Variants in MB21D2 observed in about 807,000 individuals in gnomAD.
MB21D2 encodes the protein Mab-21 domain containing 2.
A neutral mutation model predicts 33.3 loss-of-function variants in MB21D2; 9 were observed. The ratio of observed to expected loss-of-function variants is 0.27; its 90% CI spans 0.16 to 0.47. MB21D2 has a LOEUF of 0.47. Among genes scored for constraint, MB21D2 ranks in the 20% least tolerant of loss-of-function variants. The probability of loss-of-function intolerance (pLI) is 0.99; values close to 1 mark genes in which losing one functional copy is unlikely to be tolerated. For missense variants in MB21D2, 540 were observed against 624.6 expected (o/e 0.86, Z 1.44); for synonymous variants, 241 against 236.3 (o/e 1.02, Z -0.18).
At chr3:192,801,126 G>GA (rs911038872) in intron 1 of MB21D2, among the ~76,000 whole-genome samples, 2 of 152,120 alleles carry the variant, frequency 1.3e-5, no homozygotes, top group African/African-American at 2.4e-5. Context: ...AATGATAAGG[G>GA]AAAAAATGCA....
At chr3:192,845,673 A>C (rs1405554666) in intron 1 of MB21D2, among the ~76,000 whole-genome samples, 5 of 152,214 alleles carry the variant, frequency 3.3e-5, no homozygotes, top group African/African-American at 1.2e-4. Context: ...AGAGACTGAA[A>C]TGTCAAATAT....
intron 1 of MB21D2, among the ~76,000 whole-genome samples, chr3:192,885,491 AC>A (rs1713712490): frequency 6.6e-6 from 1 of 152,072 alleles, no homozygotes; most frequent in Admixed American, 6.5e-5. Context: ...AGTTGCCTCC[AC>A]ATGCACAGCA....
rs1293214865 is a variant in MB21D2, at chr3:192,797,818, G to A, written c.*568C>T. The A allele has an allele frequency of 6.5e-6, 1 of 152,690 alleles. No homozygotes were observed. Among genetic ancestry groups the A allele is most frequent in the African/African-American group, 2.4e-5 (1 of 41,422 alleles). The allele number at this position is 152,690 out of a possible 1,614,324, so 9.5% of individuals were successfully genotyped here. The stretch of plus-strand genomic sequence containing the variant: ...AAGTTGCTCCAAAACACAATTTGTA[G>A]TATTATCACTTTCAAAGTTTACATT... On this transcript the variant is annotated 3_prime_UTR_variant, in exon 2 of 2. Coordinates refer to ENST00000392452, the MANE Select transcript of MB21D2 (RefSeq NM_178496.4).
chr3:192,811,179 C>T (rs1032102001), intron 1 of MB21D2, among the ~76,000 whole-genome samples: 2 of 152,214 alleles, frequency 1.3e-5, no homozygotes, highest in African/African-American at 4.8e-5. Flanking sequence ...ACTCTGTGGG[C>T]GATTCTACAT....
intron 1 of MB21D2, among the ~76,000 whole-genome samples, chr3:192,882,914 G>T (rs1713637734): frequency 6.6e-6 from 1 of 151,974 alleles, no homozygotes; most frequent in Non-Finnish European, 1.5e-5. Flanking sequence ...TGCATTTTTA[G>T]TAGAGATGGG....
chr3:192,846,106 T>A (rs1010095355), intron 1 of MB21D2, among the ~76,000 whole-genome samples: 3 of 152,098 alleles, frequency 2.0e-5, no homozygotes, highest in Non-Finnish European at 4.4e-5. Flanking sequence ...AAAATAAAAT[T>A]AATGCCTTTA....
intron 1 of MB21D2, among the ~76,000 whole-genome samples, chr3:192,853,874 T>C (rs1712861107): frequency 6.6e-6 from 1 of 152,234 alleles, no homozygotes; most frequent in African/African-American, 2.4e-5. Flanking sequence ...ATTGTTATTA[T>C]ATGTTATGGT....
chr3:192,913,555 G>A (rs1170446986), intron 1 of MB21D2, among the ~76,000 whole-genome samples: 2 of 152,132 alleles, frequency 1.3e-5, no homozygotes, highest in Admixed American at 1.3e-4. Context: ...CAGGCATGGT[G>A]GCTCATGCCT....
At chr3:192,850,943 G>C (rs113767930) in intron 1 of MB21D2, among the ~76,000 whole-genome samples, 4 of 152,340 alleles carry the variant, frequency 2.6e-5, no homozygotes, top group African/African-American at 7.2e-5. Flanking sequence ...GTAAGGTTAA[G>C]AGCACAGACT....
chr3:192,870,077 C>T (rs1203335546), intron 1 of MB21D2, among the ~76,000 whole-genome samples: 1 of 152,194 alleles, frequency 6.6e-6, no homozygotes, highest in Non-Finnish European at 1.5e-5. Context: ...AAATAAATTA[C>T]ACAACCAAAT....
chr3:192,840,384 G>A (rs911053169), intron 1 of MB21D2, among the ~76,000 whole-genome samples: 2 of 149,506 alleles, frequency 1.3e-5, no homozygotes, highest in Admixed American at 6.6e-5. Context: ...TTTGTGCTTG[G>A]GAGTATGACA....
chr3:192,853,218 C>T (rs569154698), intron 1 of MB21D2, among the ~76,000 whole-genome samples: 1 of 152,282 alleles, frequency 6.6e-6, no homozygotes, highest in East Asian at 1.9e-4. Flanking sequence ...CCACATCACC[C>T]CTCGAAGGTC....
intron 1 of MB21D2, among the ~76,000 whole-genome samples, chr3:192,873,866 T>C (rs1713372589): frequency 6.6e-6 from 1 of 151,916 alleles, no homozygotes; most frequent in Non-Finnish European, 1.5e-5. Flanking sequence ...CCACGCCTGG[T>C]AATTGTTGTA....
chr3:192,911,527 G>A (rs908553984), intron 1 of MB21D2, among the ~76,000 whole-genome samples: 2 of 152,182 alleles, frequency 1.3e-5, no homozygotes, highest in Non-Finnish European at 2.9e-5. Context: ...ATGTTGACAT[G>A]CTGAGCAGCT....
chr3:192,893,002 T>C (rs1713884320), intron 1 of MB21D2, among the ~76,000 whole-genome samples: 1 of 152,200 alleles, frequency 6.6e-6, no homozygotes, highest in Admixed American at 6.5e-5. Context: ...TCCTACTTAA[T>C]TTGCACGACA....
intron 1 of MB21D2, among the ~76,000 whole-genome samples, chr3:192,863,358 G>A (rs551095006): frequency 8.5e-5 from 13 of 152,112 alleles, no homozygotes; most frequent in Non-Finnish European, 1.8e-4. Context: ...GGAAACTAAC[G>A]CATACACAAA....
intron 1 of MB21D2, among the ~76,000 whole-genome samples, chr3:192,807,980 GGGC>G (rs1194131391): frequency 6.6e-6 from 1 of 151,960 alleles, no homozygotes; most frequent in East Asian, 1.9e-4. Flanking sequence ...GAGGGATTGG[GGGC>G]GCTTTTCTTT....
intron 1 of MB21D2, among the ~76,000 whole-genome samples, chr3:192,866,047 A>T (rs1577188620): frequency 7.0e-6 from 1 of 142,940 alleles, no homozygotes; most frequent in African/African-American, 2.6e-5. Flanking sequence ...GATCCTGTCT[A>T]AAAAAATAAA....
chr3:192,884,780 C>T lies in MB21D2; in HGVS notation c.211+32850G>A, dbSNP rs189030946. Among the ~76,000 whole-genome samples the T allele has an allele frequency of 7.6e-4, 116 of 152,196 alleles. 1 individual carries two copies. In the South Asian group the frequency reaches 0.017, roughly 23 times the overall value. ...CATGTGTACAACTGTCCCCTTTCCA[C>T]GCCTGCCTTCCTCATGACACCCACC... On this transcript the variant is annotated intron_variant, in intron 1 of 1. Transcript: ENST00000392452.
Sources: gnomAD v4.1 joint callset for allele counts (sites outside exome capture counted in the v4.1 genomes callset) on GRCh38, gnomAD v4.1.1 for gene constraint, MANE v1.5 for transcripts, NCBI Gene and HGNC (gene_info 2026-07-23, HGNC 2026-07-21) for gene names.